ZNF316: variants seen among roughly 807,000 people sequenced by gnomAD.
ZNF316 encodes zinc finger protein 316.
ZNF316 carries 23 observed loss-of-function variants against 75.6 expected under a neutral mutation model. The ratio of observed to expected loss-of-function variants is 0.30; its 90% CI spans 0.22 to 0.43. ZNF316 has a LOEUF of 0.43. Ranked by LOEUF, ZNF316 falls within the 20% of genes least tolerant of loss-of-function variation. ZNF316 has a pLI of 1.00. For synonymous variants in ZNF316, 827 were observed against 666.2 expected, an observed-to-expected ratio of 1.24 and a Z score of -3.72; for missense variants, 1,266 against 1,409.4, an observed-to-expected ratio of 0.90 and a Z score of 1.63.
In ZNF316 at chr7:6,657,800, G is replaced by A. The variant is rs1278359077; in HGVS notation, c.*3189G>A. 8.3e-6 allele frequency among the ~76,000 whole-genome samples: 1 copy of A among 120,256 alleles called. No individual in the cohort carries two copies. The highest frequency in any genetic ancestry group is 1.6e-5 in the Non-Finnish European group (1 of 62,940). The allele number at this position is 120,256 out of a possible 152,430, so 78.9% of individuals were successfully genotyped here. On this transcript the variant is annotated 3_prime_UTR_variant, in exon 9 of 9. Coordinates refer to ENST00000382252, the MANE Select transcript of ZNF316 (RefSeq NM_001278559.2). ...ACTATGATTTTTCCATTGCACTCCA[G>A]CCTGGGTGACAGAACAAGACCCTAT... is the stretch of plus-strand genomic sequence containing the variant.
Position 6,642,705 on chromosome 7 carries a change from G to A in ZNF316, c.296G>A (p.Gly99Glu). 8.1e-7 allele frequency: 1 copy of A among 1,234,266 alleles called. No individual in the cohort carries two copies. The highest frequency in any genetic ancestry group is 1.0e-6 in the Non-Finnish European group (1 of 989,294). The allele number at this position is 1,234,266 out of a possible 1,614,324, so 76.5% of individuals were successfully genotyped here. The change falls in exon 5 of 9, where the codon GGG becomes GAG. Residue 99 changes from glycine to glutamate, a missense_variant. Coordinates refer to ENST00000382252, the MANE Select transcript of ZNF316 (RefSeq NM_001278559.2). This position sits in a 1 kb window ranked among gnomAD's most constrained non-coding sequence, Gnocchi z 8.1. ...VLAEEECPAL[G>E]TQERLSRGGD... ...GCAGAGGAGGAGTGTCCGGCGTTGG[G>A]GACCCAGGAGCGACTTAGCCGTGGT...
chr7:6,654,146 G>C lies in ZNF316; in HGVS notation c.2550G>C (p.Arg850=), dbSNP rs1779572135. Residue 850 remains arginine (R), a synonymous_variant, in exon 9 of 9, where the codon CGG becomes CGC. Coordinates refer to ENST00000382252, the MANE Select transcript of ZNF316 (RefSeq NM_001278559.2). The stretch of plus-strand genomic sequence containing the variant: ...ACAGCTCGGACTTCAAGCGGCATCG[G>C]CGCACGCACACGGGCGAGAAGCCCT... The part of the protein sequence containing the change: ...FGHSSDFKRH[R]RTHTGEKPFR... The C allele has an allele frequency of 4.9e-6, 6 of 1,221,812 alleles. No homozygotes were observed. Among genetic ancestry groups the C allele is most frequent in the Admixed American group, 4.3e-5 (1 of 23,164 alleles). 75.7% of individuals were successfully genotyped at this position (1,221,812 alleles called of 1,614,324 possible).
At chr7:6,646,801 C>T (rs1039418549) in intron 8 of ZNF316, among the ~76,000 whole-genome samples, 2 of 152,100 alleles carry the variant, frequency 1.3e-5, no homozygotes, top group Admixed American at 1.3e-4. Flanking sequence ...TGTGCCCAGG[C>T]TGACAGAGTT....
intron 6 of ZNF316, 51 bp from the exon 7 acceptor site, chr7:6,643,771 C>T (rs775784090): frequency 2.6e-5 from 32 of 1,232,010 alleles, no homozygotes; most frequent in Admixed American, 4.2e-5. Context: ...TCTTCCGTGG[C>T]TCTTTGTAAA....
intron 2 of ZNF316, among the ~76,000 whole-genome samples, chr7:6,638,222 G>C (rs1433194904): frequency 6.6e-6 from 1 of 151,706 alleles, no homozygotes; most frequent in Non-Finnish European, 1.5e-5. Context: ...GGGCCGGGTG[G>C]GGTGGTGAGG....
In ZNF316 at chr7:6,640,781, AC is replaced by A. The variant is rs1168211281; in HGVS notation, c.-166-1042del. On this transcript the variant is annotated intron_variant, in intron 3 of 8. Coordinates refer to ENST00000382252, the MANE Select transcript of ZNF316 (RefSeq NM_001278559.2). This position sits in a 1 kb window ranked among gnomAD's most constrained non-coding sequence, Gnocchi z 5.1. ...GCGGATCCCTCATGAATGGTCTAGCACCGTCCCCTTGGTGATAAGGGAGTTC... is the reference window on the plus strand; with the variant it reads ...GCGGATCCCTCATGAATGGTCTAGCACGTCCCCTTGGTGATAAGGGAGTTC... 6.6e-6 allele frequency among the ~76,000 whole-genome samples: 1 copy of A among 152,272 alleles called. No homozygotes were observed. Among genetic ancestry groups the A allele is most frequent in the East Asian group, 1.9e-4 (1 of 5,164 alleles).
rs993320568 is a variant in ZNF316 at position 6,654,329 on chromosome 7, C to T, written c.2733C>T (p.Gly911=). ...TCACGCACCAGCGCACACATACGGG[C>T]GAGCGGCCCTACGCCTGCGCCAACT... ...VLVTHQRTHT[G]ERPYACANCG... The change falls in exon 9 of 9, where the codon GGC becomes GGT. Residue 911 remains glycine, a synonymous_variant. Transcript: ENST00000382252. The T allele has an allele frequency of 1.6e-5, 20 of 1,223,096 alleles. No individual in the cohort carries two copies. Among genetic ancestry groups the T allele is most frequent in the African/African-American group, 7.8e-5 (5 of 63,900 alleles). The allele number at this position is 1,223,096 out of a possible 1,614,324, so 75.8% of individuals were successfully genotyped here.
chr7:6,650,043 C>G (rs753125345), intron 8 of ZNF316, among the ~76,000 whole-genome samples: 65 of 152,310 alleles, frequency 4.3e-4, no homozygotes, highest in Non-Finnish European at 8.7e-4. Context: ...TTGGCTGTTT[C>G]CTGAGGTACC....
Position 6,644,117 on chromosome 7 carries a change from G to A in ZNF316, c.592+169G>A, listed in dbSNP as rs138309611. Among the ~76,000 whole-genome samples, 391 of 152,294 alleles carry A rather than the reference G, an allele frequency of 2.6e-3. 3 individuals are homozygous for A. The highest frequency in any genetic ancestry group is 8.9e-3 in the African/African-American group (369 of 41,574). On this transcript the variant is annotated intron_variant, in intron 7 of 8. Coordinates refer to ENST00000382252, the MANE Select transcript of ZNF316 (RefSeq NM_001278559.2). ...GGACCCCATGGCCCCTGGGTGGGGCGGGGGATGTCACTGGCCAGGCAGCAC... is the reference window on the plus strand; with the variant it reads ...GGACCCCATGGCCCCTGGGTGGGGCAGGGGATGTCACTGGCCAGGCAGCAC...
At chr7:6,643,149 G>T in intron 6 of ZNF316, 76 bp downstream of exon 6, 1 of 1,230,490 alleles carries the variant, frequency 8.1e-7, no homozygotes, top group Non-Finnish European at 1.0e-6. Context: ...CTGCTGTTTG[G>T]AGGCGTCTGT....
At chr7:6,650,989 G>A (rs1373867747) in intron 8 of ZNF316, among the ~76,000 whole-genome samples, 1 of 152,320 alleles carries the variant, frequency 6.6e-6, no homozygotes, top group African/African-American at 2.4e-5. Flanking sequence ...GCCTCGCAAG[G>A]CTGAAGGGAG....
chr7:6,641,563 G>A lies in ZNF316; in HGVS notation c.-166-262G>A, dbSNP rs930021779. ...GGACCCTGGACCCTGTGTCAGTGTG[G>A]CTGCCTCTCCCCTGAGCTTCTGGGC... On this transcript the variant is annotated intron_variant, in intron 3 of 8. Coordinates refer to ENST00000382252, the MANE Select transcript of ZNF316 (RefSeq NM_001278559.2). 1.4e-4 allele frequency among the ~76,000 whole-genome samples: 22 copies of A among 152,178 alleles called. 1 individual carries two copies. Among genetic ancestry groups the A allele is most frequent in the African/African-American group, 5.3e-4 (22 of 41,456 alleles).
chr7:6,657,722 C>T lies in ZNF316; in HGVS notation c.*3111C>T, dbSNP rs56181440. On this transcript the variant is annotated 3_prime_UTR_variant, in exon 9 of 9. Transcript: ENST00000382252. ...ATTAGCTGGGTGTGGTGGCGCACGT[C>T]TATAGTCCCAGCTACTCTGGAGGCT... Among the ~76,000 whole-genome samples, 1 of 148,264 alleles carries T rather than the reference C, an allele frequency of 6.7e-6. No individual in the cohort carries two copies. Among genetic ancestry groups the T allele is most frequent in the African/African-American group, 2.5e-5 (1 of 40,356 alleles).
In ZNF316 at chr7:6,653,285, G is replaced by A. The variant is rs1485073854; in HGVS notation, c.1689G>A (p.Ala563=). 4.3e-5 allele frequency: 53 copies of A among 1,227,258 alleles called. No homozygotes were observed. Among genetic ancestry groups the A allele is most frequent in the Admixed American group, 1.7e-4 (4 of 23,444 alleles). 76.0% of individuals were successfully genotyped at this position (1,227,258 alleles called of 1,614,324 possible). ...AGAGAGAGGAGGCGGCGGTGGCGGC[G>A]CCCACCCCCAGCGGCAAGGTGGACC... ...AEEREEAAVA[A]PTPSGKVDPA... is the part of the protein sequence containing the mutation. Residue 563 remains alanine (A), a synonymous_variant, in exon 9 of 9, where the codon GCG becomes GCA. Coordinates refer to ENST00000382252, the MANE Select transcript of ZNF316 (RefSeq NM_001278559.2).
In ZNF316 at chr7:6,642,283, TC is replaced by T. The variant is rs1779323067; in HGVS notation, c.-28-97del. The T allele has an allele frequency of 4.0e-6, 2 of 505,686 alleles. No homozygotes were observed. The highest frequency in any genetic ancestry group is 6.2e-6 in the Non-Finnish European group (2 of 324,686). The allele number at this position is 505,686 out of a possible 1,614,324, so 31.3% of individuals were successfully genotyped here. A position where few individuals can be genotyped will look rare whatever the true frequency, so the allele number is the denominator to read the frequency against. ...TCAACTACATAACAGGAGGAGTAAA[TC>T]CTGCTCCCTGCGCCCCCGCCAGGCT... is the stretch of plus-strand genomic sequence containing the variant. On this transcript the variant is annotated intron_variant, in intron 4 of 8. Transcript: ENST00000382252. This position sits in a 1 kb window ranked among gnomAD's most constrained non-coding sequence, Gnocchi z 8.1.
chr7:6,652,849 C>T lies in ZNF316; in HGVS notation c.1253C>T (p.Thr418Met), dbSNP rs1779535699. 4 of 1,247,950 alleles carry T rather than the reference C, an allele frequency of 3.2e-6. No homozygotes were observed. The highest frequency in any genetic ancestry group is 4.0e-6 in the Non-Finnish European group (4 of 995,736). The allele number at this position is 1,247,950 out of a possible 1,614,324, so 77.3% of individuals were successfully genotyped here. Residue 418 changes from threonine (T) to methionine (M), a missense_variant, in exon 9 of 9, where the codon ACG becomes ATG. By Grantham distance (81) the Thr-to-Met change is moderately conservative. Coordinates refer to ENST00000382252, the MANE Select transcript of ZNF316 (RefSeq NM_001278559.2). The part of the protein sequence containing the change: ...KRFVYKSHLV[T>M]HRRIHTGERP... The stretch of plus-strand genomic sequence containing the variant: ...TTCGTCTACAAGTCGCACCTGGTTA[C>T]GCACCGACGCATCCATACTGGCGAG...
intron 8 of ZNF316, among the ~76,000 whole-genome samples, chr7:6,646,066 C>T (rs559611611): frequency 4.0e-4 from 60 of 150,750 alleles, no homozygotes; most frequent in Admixed American, 1.8e-3. Context: ...TGGGGGGAAA[C>T]GGCCCCCATG....
In ZNF316 at chr7:6,654,530, C is replaced by G. The variant is rs1562585145; in HGVS notation, c.2934C>G (p.Phe978Leu). ...PGERGSALLEFAGGTSFGSEH... is the reference protein window; with the variant it reads ...PGERGSALLELAGGTSFGSEH... ...AGCGCGGCAGCGCCCTGCTGGAGTT[C>G]GCGGGCGGCACAAGCTTCGGCTCCG... is the stretch of plus-strand genomic sequence containing the variant. Residue 978 changes from phenylalanine to leucine, a missense_variant, in exon 9 of 9, where the codon TTC becomes TTG. Coordinates refer to ENST00000382252, the MANE Select transcript of ZNF316 (RefSeq NM_001278559.2). The G allele has an allele frequency of 8.5e-7, 1 of 1,179,622 alleles. No individual in the cohort carries two copies. The highest frequency in any genetic ancestry group is 1.0e-6 in the Non-Finnish European group (1 of 954,502). 73.1% of individuals were successfully genotyped at this position (1,179,622 alleles called of 1,614,324 possible).
chr7:6,644,623 G>T, intron 8 of ZNF316, 30 bp downstream of exon 8: 1 of 1,177,546 alleles, frequency 8.5e-7, no homozygotes. Context: ...TGCGGTTTGT[G>T]CCGATAGCTT....
Sources: allele counts gnomAD v4.1 joint callset (sites outside exome capture counted in the v4.1 genomes callset), GRCh38; gene constraint gnomAD v4.1.1; non-coding constraint Gnocchi (gnomAD v3.1); transcripts MANE v1.5; gene names NCBI Gene and HGNC (gene_info 2026-07-23, HGNC 2026-07-21).